The following TAF1B variants were observed in gnomAD, a reference collection of about 807,000 sequenced individuals.
TAF1B encodes TATA box-binding protein-associated factor RNA polymerase I subunit B.
In TAF1B, 61 loss-of-function variants were observed where a neutral mutation model predicts 83.9. The observed-to-expected ratio is 0.73, with a 90% CI of 0.59 to 0.90. The LOEUF (loss-of-function observed/expected upper bound fraction) is 0.90. TAF1B is among the 40% of genes least tolerant of loss of function. The probability of loss-of-function intolerance (pLI) is 0.00; values close to 1 mark genes in which losing one functional copy is unlikely to be tolerated. For missense variants in TAF1B, 625 were observed against 677.0 expected (o/e 0.92, Z 0.85); for synonymous variants, 221 against 224.6 (o/e 0.98, Z 0.14).
Position 9,913,268 on chromosome 2 carries a change from T to C in TAF1B, c.1271+19T>C, listed in dbSNP as rs1265996680. On this transcript the variant is annotated intron_variant, in intron 12 of 14. Transcript: ENST00000263663. ...GGGCCAAGTATGTTCTCCTTCCTGG[T>C]TTAGATGCACCTGCCTTACTTCTGT... 3.8e-6 allele frequency: 6 copies of C among 1,590,248 alleles called. No homozygotes were observed. In the African/African-American group the frequency reaches 8.1e-5, roughly 21 times the overall value.
intron 5 of TAF1B, among the ~76,000 whole-genome samples, chr2:9,857,465 G>A (rs1364254321): frequency 6.6e-6 from 1 of 152,198 alleles, no homozygotes; most frequent in Non-Finnish European, 1.5e-5. Flanking sequence ...CTAAGCAGCT[G>A]GAAGGAAAGA....
chr2:9,851,548 C>A lies in TAF1B; in HGVS notation c.213C>A (p.Gly71=). ...ATGCTATTTGTCATTTAGAAAAAGG[C>A]TGGGATTGGTATGTGTGTGAAGGTT... ...GLKKKNNTEK[G]WDWYVCEGFQ... is the part of the protein sequence containing the mutation. Residue 71 remains glycine, a synonymous_variant, in exon 4 of 15, where the codon GGC becomes GGA. Coordinates refer to ENST00000263663, the MANE Select transcript of TAF1B (RefSeq NM_005680.3). The A allele has an allele frequency of 6.3e-7, 1 of 1,598,694 alleles. No homozygotes were observed. The highest frequency in any genetic ancestry group is 8.5e-7 in the Non-Finnish European group (1 of 1,174,542).
intron 8 of TAF1B, among the ~76,000 whole-genome samples, chr2:9,892,340 C>T (rs1426639735): frequency 6.6e-6 from 1 of 152,270 alleles, no homozygotes; most frequent in Non-Finnish European, 1.5e-5. Flanking sequence ...ATGCATTTCT[C>T]AGAAAGTATC....
chr2:9,859,427 C>A (rs551952000), intron 5 of TAF1B, among the ~76,000 whole-genome samples: 3 of 141,668 alleles, frequency 2.1e-5, no homozygotes, highest in Non-Finnish European at 4.5e-5. Flanking sequence ...TGCTTTGTTG[C>A]GCAGGCTGGA....
intron 2 of TAF1B, among the ~76,000 whole-genome samples, chr2:9,848,478 C>A (rs1246817535): frequency 6.6e-6 from 1 of 152,088 alleles, no homozygotes; most frequent in Non-Finnish European, 1.5e-5. Context: ...ACCAGCCTGA[C>A]CAACGTGGAG....
chr2:9,854,383 T>C lies in TAF1B; in HGVS notation c.361T>C (p.Cys121Arg). The C allele has an allele frequency of 6.2e-7, 1 of 1,614,108 alleles. No individual in the cohort carries two copies. Among genetic ancestry groups the C allele is most frequent in the Non-Finnish European group, 8.5e-7 (1 of 1,179,994 alleles). ...CCTTCAGAAGAGCAAGCAGGCATAT[T>C]GTAAGAACCCAGTTTATACCACTGG... ...RYLQKSKQAY[C>R]KNPVYTTGRK... Residue 121 changes from cysteine to arginine, a missense_variant, in exon 5 of 15, where the codon TGT (cysteine) becomes CGT (arginine). Transcript: ENST00000263663.
chr2:9,876,052 C>G, intron 7 of TAF1B, 34 bp downstream of exon 7: 6 of 1,563,152 alleles, frequency 3.8e-6, no homozygotes, highest in Non-Finnish European at 5.2e-6. Context: ...AATATTTTTG[C>G]TGGTTACTAC....
chr2:9,908,848 C>G (rs1199513516), intron 9 of TAF1B, among the ~76,000 whole-genome samples: 1 of 152,168 alleles, frequency 6.6e-6, no homozygotes, highest in African/African-American at 2.4e-5. Context: ...AAGCACCATC[C>G]CATGTTTGTC....
chr2:9,899,239 A>C (rs780968773), intron 8 of TAF1B, among the ~76,000 whole-genome samples: 4 of 152,066 alleles, frequency 2.6e-5, no homozygotes, highest in African/African-American at 9.7e-5. Flanking sequence ...TAGGTATCTC[A>C]TACGTGTGGA....
chr2:9,882,579 C>T, intron 7 of TAF1B, 127 bp from the exon 8 acceptor site: 2 of 526,464 alleles, frequency 3.8e-6, no homozygotes, highest in Non-Finnish European at 6.5e-6. Flanking sequence ...TCCTTAAAAT[C>T]GTGGGAAATA....
intron 5 of TAF1B, among the ~76,000 whole-genome samples, chr2:9,866,224 TCAAA>T (rs1663971105): frequency 6.6e-6 from 1 of 151,898 alleles, no homozygotes; most frequent in African/African-American, 2.4e-5. Context: ...TACAATGAAC[TCAAA>T]CAAATTTACA....
chr2:9,900,441 C>T (rs1170283119), intron 8 of TAF1B, among the ~76,000 whole-genome samples: 2 of 152,102 alleles, frequency 1.3e-5, no homozygotes, highest in African/African-American at 4.8e-5. Context: ...AAGGCTGAGG[C>T]AGGAGGATCA....
chr2:9,856,834 C>G (rs1272867497), intron 5 of TAF1B, among the ~76,000 whole-genome samples: 2 of 152,086 alleles, frequency 1.3e-5, no homozygotes, highest in Non-Finnish European at 1.5e-5. Context: ...AAGGTAATTT[C>G]TACTTCAAGA....
At chr2:9,861,927 A>G (rs1431811370) in intron 5 of TAF1B, among the ~76,000 whole-genome samples, 1 of 152,212 alleles carries the variant, frequency 6.6e-6, no homozygotes, top group Non-Finnish European at 1.5e-5. Flanking sequence ...AAGGACATCC[A>G]CACCAAAAAC....
intron 5 of TAF1B, among the ~76,000 whole-genome samples, chr2:9,858,496 A>G (rs938764233): frequency 6.6e-6 from 1 of 152,192 alleles, no homozygotes; most frequent in East Asian, 1.9e-4. Flanking sequence ...TCACAGCTCC[A>G]CTAGGCAGTG....
intron 1 of TAF1B, 181 bp downstream of exon 1, chr2:9,843,740 T>G (rs539710246): frequency 5.4e-5 from 33 of 612,390 alleles, no homozygotes; most frequent in Non-Finnish European, 8.3e-5. Flanking sequence ...CGCGCGCGGC[T>G]TTGGTAAAGA....
intron 14 of TAF1B, among the ~76,000 whole-genome samples, chr2:9,923,779 G>A (rs927948508): frequency 2.0e-5 from 3 of 152,168 alleles, no homozygotes; most frequent in Non-Finnish European, 2.9e-5. Context: ...TGAGGTAATC[G>A]ATTCCTTTGC....
intron 8 of TAF1B, among the ~76,000 whole-genome samples, chr2:9,887,476 TTTATCA>T (rs1664714755): frequency 6.6e-6 from 1 of 152,176 alleles, no homozygotes; most frequent in African/African-American, 2.4e-5. Flanking sequence ...AATTGACTCC[TTTATCA>T]TTATCTAATG....
chr2:9,881,090 G>A (rs765170354), intron 7 of TAF1B, among the ~76,000 whole-genome samples: 1 of 152,022 alleles, frequency 6.6e-6, no homozygotes, highest in Admixed American at 6.6e-5. Context: ...TTCCAGCACT[G>A]TGGGAGGCTA....
Sources: allele counts gnomAD v4.1 joint callset (sites outside exome capture counted in the v4.1 genomes callset), GRCh38; gene constraint gnomAD v4.1.1; transcripts MANE v1.5; gene names NCBI Gene and HGNC (gene_info 2026-07-23, HGNC 2026-07-21).